Variants in SRFBP1 observed in about 807,000 individuals in gnomAD.
The protein encoded by SRFBP1 is serum response factor binding protein 1.
SRFBP1 carries 47 observed loss-of-function variants against 45.5 expected under a neutral mutation model. That is an observed-to-expected ratio of 1.03 (90% CI 0.82 to 1.32). The LOEUF (loss-of-function observed/expected upper bound fraction) is 1.32. Among genes scored for constraint, SRFBP1 ranks in the 40% most tolerant of loss-of-function variants. The pLI is 0.00. For missense variants in SRFBP1, 621 were observed against 484.6 expected (o/e 1.28, Z -2.64); for synonymous variants, 203 against 166.3 (o/e 1.22, Z -1.70).
chr5:122,013,141 G>C (rs1470947769), intron 4 of SRFBP1, among the ~76,000 whole-genome samples: 1 of 152,018 alleles, frequency 6.6e-6, no homozygotes. Context: ...CATCCTCCCA[G>C]TGTTTACATT....
At chr5:122,058,909 A>G (rs1223698985) in intron 2 of SRFBP1, among the ~76,000 whole-genome samples, 2 of 152,190 alleles carry the variant, frequency 1.3e-5, no homozygotes, top group African/African-American at 4.8e-5. Flanking sequence ...TGAAACCAGG[A>G]TGAAGATCTG....
intron 2 of SRFBP1, among the ~76,000 whole-genome samples, chr5:122,062,217 A>C (rs541677456): frequency 2.0e-5 from 3 of 152,058 alleles, no homozygotes; most frequent in African/African-American, 7.2e-5. Flanking sequence ...TCTTTAGTAC[A>C]TGCTTTAGGA....
At chr5:121,989,783 C>T (rs1485129748) in intron 3 of SRFBP1, among the ~76,000 whole-genome samples, 2 of 152,126 alleles carry the variant, frequency 1.3e-5, no homozygotes, top group African/African-American at 2.4e-5. Flanking sequence ...TAGTGTTTTA[C>T]CTTCTCCCAT....
intron 2 of SRFBP1, chr5:122,070,466 TATATG>T: frequency 8.1e-7 from 1 of 1,230,778 alleles, no homozygotes; most frequent in East Asian, 2.3e-5. Context: ...GCAATATCAA[TATATG>T]ATATATTTTC....
chr5:121,971,389 C>G (rs971752460), intron 1 of SRFBP1, among the ~76,000 whole-genome samples: 1 of 151,874 alleles, frequency 6.6e-6, no homozygotes, highest in African/African-American at 2.4e-5. Context: ...CCTCTAAAGA[C>G]CTTTAGGTGT....
chr5:122,077,347 G>T (rs746390468), downstream of SRFBP1: 3 of 1,613,716 alleles, frequency 1.9e-6, no homozygotes, highest in Non-Finnish European at 8.5e-7. This position sits in a 1 kb window ranked among gnomAD's most constrained non-coding sequence, Gnocchi z 4.9. Context: ...GGACTTGGGG[G>T]TACTTACCGT....
In SRFBP1 at chr5:122,056,066, C is replaced by A. The variant is rs562871460; in HGVS notation, n.312-19249C>A. 1.5e-4 allele frequency among the ~76,000 whole-genome samples: 23 copies of A among 152,250 alleles called. 1 individual carries two copies. The highest frequency in any genetic ancestry group is 5.5e-4 in the African/African-American group (23 of 41,546). On this transcript the variant is annotated intron_variant and non_coding_transcript_variant, in intron 2 of 2. Coordinates refer to the SRFBP1 transcript ENST00000504881. ...CTCATAGGTGAAAAAATTAGAGAAC[C>A]TTTCACTCCGGTCCCCAAACCTCTG...
intron 4 of SRFBP1, among the ~76,000 whole-genome samples, chr5:122,015,861 T>TGGTA (rs1580527411): frequency 1.3e-5 from 2 of 152,226 alleles, no homozygotes; most frequent in African/African-American, 2.4e-5. Context: ...CTTTATGTTG[T>TGGTA]GGTAGGTAAA....
intron 2 of SRFBP1, chr5:122,066,842 T>C (rs1754314532): frequency 2.5e-6 from 2 of 789,440 alleles, no homozygotes; most frequent in South Asian, 1.5e-5. Flanking sequence ...TTTTAAAAAC[T>C]TTATGCAACA....
intron 4 of SRFBP1, among the ~76,000 whole-genome samples, chr5:122,004,113 G>A (rs1019839055): frequency 6.6e-6 from 1 of 152,106 alleles, no homozygotes; most frequent in African/African-American, 2.4e-5. Flanking sequence ...TGTAGCAAGT[G>A]TAGCTGGGAC....
In SRFBP1 at chr5:122,017,226, A is replaced by G. The variant is rs531682546; in HGVS notation, c.271-2034A>G. Among the ~76,000 whole-genome samples the G allele has an allele frequency of 2.0e-5, 3 of 152,232 alleles. No individual in the cohort carries two copies. In the East Asian group the frequency reaches 5.8e-4, roughly 29 times the overall value. ...GCCTGGGTGACAGAGTGAGACTCCC[A>G]ACAACAACAACAAAAAAGTAAATTT... On this transcript the variant is annotated intron_variant, in intron 4 of 7. Transcript: ENST00000339397.
downstream of SRFBP1, chr5:122,078,161 A>C (rs1754698287): frequency 3.8e-6 from 2 of 523,738 alleles, no homozygotes; most frequent in South Asian, 1.1e-4. Flanking sequence ...TTCCCCAGTC[A>C]AGGCGGCTGC....
intron 2 of SRFBP1, among the ~76,000 whole-genome samples, chr5:122,050,668 T>C (rs1753958208): frequency 6.6e-6 from 1 of 152,144 alleles, no homozygotes; most frequent in African/African-American, 2.4e-5. Context: ...GCCAGTGGTC[T>C]ATTTCTCTTA....
chr5:122,018,935 T>C (rs1260251153), intron 4 of SRFBP1, among the ~76,000 whole-genome samples: 1 of 152,176 alleles, frequency 6.6e-6, no homozygotes, highest in East Asian at 1.9e-4. Flanking sequence ...TTGTTCAAGC[T>C]CTTTGATAGT....
At chr5:122,042,409 G>C (rs1580541172) in intron 2 of SRFBP1, among the ~76,000 whole-genome samples, 2 of 152,218 alleles carry the variant, frequency 1.3e-5, no homozygotes, top group Middle Eastern at 6.8e-3. Flanking sequence ...TGTGACTACA[G>C]ATACATGCCA....
downstream of SRFBP1, chr5:122,028,678 G>GT (rs1753539854): frequency 6.6e-6 from 1 of 151,598 alleles, no homozygotes; most frequent in South Asian, 2.1e-4. Context: ...TATTTTTGCT[G>GT]TGTCAGATGC....
At chr5:122,043,650 C>T (rs1753806045) in intron 2 of SRFBP1, among the ~76,000 whole-genome samples, 1 of 152,136 alleles carries the variant, frequency 6.6e-6, no homozygotes, top group Non-Finnish European at 1.5e-5. Context: ...CAGAGGCTCT[C>T]TTTACAGTTG....
At chr5:122,032,856 G>C (rs1438698030), downstream of SRFBP1, among the ~76,000 whole-genome samples, 1 of 152,174 alleles carries the variant, frequency 6.6e-6, no homozygotes, top group East Asian at 1.9e-4. Flanking sequence ...AAATTGCTAA[G>C]TTCCCCTCCA....
At chr5:122,040,811 C>A (rs984705930) in intron 2 of SRFBP1, among the ~76,000 whole-genome samples, 1 of 152,142 alleles carries the variant, frequency 6.6e-6, no homozygotes, top group African/African-American at 2.4e-5. Flanking sequence ...TTAATACCTG[C>A]AAGCCTCCCT....
Sources: gnomAD v4.1 joint callset for allele counts (sites outside exome capture counted in the v4.1 genomes callset) on GRCh38, gnomAD v4.1.1 for gene constraint, Gnocchi (gnomAD v3.1) non-coding constraint, MANE v1.5 for transcripts, NCBI Gene and HGNC (gene_info 2026-07-23, HGNC 2026-07-21) for gene names.